The following GABRA3 variants were observed in gnomAD, a reference collection of about 807,000 sequenced individuals.
GABRA3 encodes gamma-aminobutyric acid type A receptor subunit alpha3.
GABRA3 carries 10 observed loss-of-function variants against 30.1 expected under a neutral mutation model. The observed-to-expected ratio is 0.33, with a 90% confidence interval of 0.20 to 0.56. The LOEUF (loss-of-function observed/expected upper bound fraction) is 0.56, where lower values mean the gene tolerates loss of function less well. Ranked by LOEUF, GABRA3 falls within the 20% of genes least tolerant of loss-of-function variation. The probability of loss-of-function intolerance (pLI) is 0.89; values close to 1 mark genes in which losing one functional copy is unlikely to be tolerated. For missense variants in GABRA3, 233 were observed against 392.0 expected, an observed-to-expected ratio of 0.59 and a Z score of 3.42; for synonymous variants, 151 against 146.8, an observed-to-expected ratio of 1.03 and a Z score of -0.21.
At chrX:152,293,702 T>C (rs1233416109) in intron 3 of GABRA3, among the ~76,000 whole-genome samples, 1 of 112,005 alleles carries the variant, frequency 8.9e-6, no homozygotes, top group Non-Finnish European at 1.9e-5. Flanking sequence ...CATTCGTTGA[T>C]GCAATTTCTT....
intron 7 of GABRA3, among the ~76,000 whole-genome samples, chrX:152,201,682 G>A (rs1315876872): frequency 8.9e-6 from 1 of 112,000 alleles, no homozygotes; most frequent in Non-Finnish European, 1.9e-5. Context: ...CTAAGGTTTT[G>A]AAACACACAG....
At chrX:152,275,214 T>TA (rs1569378224) in intron 4 of GABRA3, among the ~76,000 whole-genome samples, 2 of 54,732 alleles carry the variant, frequency 3.7e-5, no homozygotes, top group African/African-American at 1.0e-4. Flanking sequence ...ATATATAATA[T>TA]TATATATATA....
chrX:152,284,857 C>G lies in GABRA3; in HGVS notation c.263-122G>C, dbSNP rs1939264462. 1.0e-5 allele frequency: 4 copies of G among 397,112 alleles called. No individual in the cohort carries two copies. In the Admixed American group the frequency reaches 1.7e-4, roughly 17 times the overall value. The allele number at this position is 397,112 out of a possible 1,213,427, so 32.7% of individuals were successfully genotyped here. A position where few individuals can be genotyped will look rare whatever the true frequency, so the allele number is the denominator to read the frequency against. On this transcript the variant is annotated intron_variant, in intron 3 of 9. Coordinates refer to ENST00000370314, the MANE Select transcript of GABRA3 (RefSeq NM_000808.4). ...CTACTTCTGAGAAAGGAAAACCCCT[C>G]AAAAACTTCTCATCTGTGCTATCTC...
chrX:152,291,005 T>C (rs1243055905), intron 3 of GABRA3, among the ~76,000 whole-genome samples: 1 of 111,892 alleles, frequency 8.9e-6, no homozygotes, highest in Non-Finnish European at 1.9e-5. Context: ...GGGCTCTTTT[T>C]TGGTTCCATA....
intron 4 of GABRA3, among the ~76,000 whole-genome samples, chrX:152,264,832 G>C (rs935968240): frequency 9.0e-5 from 10 of 110,859 alleles, no homozygotes; most frequent in African/African-American, 3.3e-4. Context: ...AAGCAAAAAA[G>C]AGCAGGAGTA....
At chrX:152,294,648 C>T (rs992477474) in intron 3 of GABRA3, among the ~76,000 whole-genome samples, 1 of 111,579 alleles carries the variant, frequency 9.0e-6, no homozygotes, top group Non-Finnish European at 1.9e-5. Flanking sequence ...CAAAGTCATT[C>T]TCCATCCAGC....
At chrX:152,364,275 G>A (rs1294728596) in intron 2 of GABRA3, among the ~76,000 whole-genome samples, 156 bp downstream of exon 2, 1 of 111,661 alleles carries the variant, frequency 9.0e-6, no homozygotes, top group Non-Finnish European at 1.9e-5. Context: ...TCTACTTTGA[G>A]AGTCTGAGCC....
chrX:152,224,633 C>T (rs1055533870), intron 6 of GABRA3, 130 bp downstream of exon 6: 8 of 423,897 alleles, frequency 1.9e-5, no homozygotes, highest in African/African-American at 1.2e-4. Flanking sequence ...CTCTCTGACC[C>T]ACCCTGATAC....
intron 1 of GABRA3, among the ~76,000 whole-genome samples, chrX:152,402,896 T>A (rs928241470): frequency 7.2e-5 from 8 of 111,754 alleles, no homozygotes; most frequent in Non-Finnish European, 1.1e-4. Flanking sequence ...TGTTGTCCAC[T>A]TGAAGAAGAA....
At position 152,432,093 on chromosome X, in the gene GABRA3, G is replaced by A. The variant is rs754489200; in HGVS notation, c.-27+19053C>T. Among the ~76,000 whole-genome samples the A allele has an allele frequency of 2.3e-4, 26 of 111,577 alleles. No homozygotes were observed. In the South Asian group the frequency reaches 2.6e-3, roughly 11 times the overall value. On this transcript the variant is annotated intron_variant, in intron 1 of 9. Transcript: ENST00000370314. ...AATAACATAAACAAAAAATTAAATCGAAGTTATACTGAAATTAAAAGAGTA... is the reference window on the plus strand; with the variant it reads ...AATAACATAAACAAAAAATTAAATCAAAGTTATACTGAAATTAAAAGAGTA...
At chrX:152,344,950 A>C (rs187291774) in intron 3 of GABRA3, among the ~76,000 whole-genome samples, 1 of 112,121 alleles carries the variant, frequency 8.9e-6, no homozygotes, top group Admixed American at 9.5e-5. Flanking sequence ...TTGTGAATTT[A>C]TAATAACCCG....
intron 6 of GABRA3, among the ~76,000 whole-genome samples, chrX:152,210,872 C>A (rs1268746877): frequency 9.0e-6 from 1 of 111,170 alleles, no homozygotes; most frequent in Admixed American, 9.6e-5. Flanking sequence ...ACTATTATCA[C>A]CAAGAAGAAA....
At chrX:152,418,130 G>A (rs1006318045) in intron 1 of GABRA3, among the ~76,000 whole-genome samples, 6 of 110,608 alleles carry the variant, frequency 5.4e-5, no homozygotes, top group Non-Finnish European at 1.1e-4. Flanking sequence ...TAATAGTACC[G>A]GCCATCAGAT....
At chrX:152,440,476 C>G (rs1216030699) in intron 1 of GABRA3, among the ~76,000 whole-genome samples, 2 of 112,129 alleles carry the variant, frequency 1.8e-5, no homozygotes, top group Admixed American at 9.4e-5. Flanking sequence ...CCTCAATGAT[C>G]TCGAACTAGA....
At chrX:152,434,696 A>T (rs1479863072) in intron 1 of GABRA3, among the ~76,000 whole-genome samples, 1 of 112,297 alleles carries the variant, frequency 8.9e-6, no homozygotes, top group Admixed American at 9.4e-5. Context: ...ATCATGACCA[A>T]ATAGAATGGT....
intron 9 of GABRA3, among the ~76,000 whole-genome samples, chrX:152,181,522 G>A (rs1603199804): frequency 9.1e-6 from 1 of 109,477 alleles, no homozygotes; most frequent in African/African-American, 3.3e-5. Flanking sequence ...TCCTTTGTAG[G>A]GACATGGATG....
chrX:152,390,717 T>C (rs1929455739), intron 1 of GABRA3, among the ~76,000 whole-genome samples: 1 of 111,469 alleles, frequency 9.0e-6, no homozygotes, highest in African/African-American at 3.3e-5. Flanking sequence ...CTGCCAACCA[T>C]GATAGAGAAT....
At chrX:152,297,380 T>A (rs1175091279) in intron 3 of GABRA3, among the ~76,000 whole-genome samples, 3 of 112,273 alleles carry the variant, frequency 2.7e-5, no homozygotes, top group Non-Finnish European at 5.6e-5. Context: ...TTCATCTTTA[T>A]TCCATTCCTC....
chrX:152,326,264 A>G (rs1265196407), intron 3 of GABRA3, among the ~76,000 whole-genome samples: 1 of 111,986 alleles, frequency 8.9e-6, no homozygotes, highest in East Asian at 2.8e-4. Context: ...AATGGAACCA[A>G]GTTGGAAAAC....
Sources: gnomAD v4.1 joint callset for allele counts (sites outside exome capture counted in the v4.1 genomes callset) on GRCh38, gnomAD v4.1.1 for gene constraint, MANE v1.5 for transcripts, NCBI Gene and HGNC (gene_info 2026-07-23, HGNC 2026-07-21) for gene names.